DIP2C: variants seen among roughly 807,000 people sequenced by gnomAD.
DIP2C encodes disco-interacting protein 2 homolog C.
A neutral mutation model predicts 192.4 loss-of-function variants in DIP2C; 33 were observed. The ratio of observed to expected loss-of-function variants is 0.17; its 90% CI spans 0.13 to 0.23. The LOEUF (loss-of-function observed/expected upper bound fraction) is 0.23, where lower values mean the gene tolerates loss of function less well. Among genes scored for constraint, DIP2C ranks in the 10% least tolerant of loss-of-function variants. The pLI, the probability that DIP2C is intolerant of heterozygous loss-of-function variation, is 1.00. For missense variants in DIP2C, 1,537 were observed against 2,110.1 expected (o/e 0.73, Z 5.32); for synonymous variants, 979 against 864.1 (o/e 1.13, Z -2.33).
At chr10:483,350 GCCAA>G (rs1438494528) in intron 2 of DIP2C, among the ~76,000 whole-genome samples, 3 of 152,218 alleles carry the variant, frequency 2.0e-5, no homozygotes, top group African/African-American at 7.2e-5. Flanking sequence ...GTCCCATGGG[GCCAA>G]CCAAGAAAGC....
chr10:612,717 GCT>G (rs1266476530), intron 1 of DIP2C, among the ~76,000 whole-genome samples: 1 of 152,136 alleles, frequency 6.6e-6, no homozygotes, highest in Non-Finnish European at 1.5e-5. Context: ...TGTCTAGAGA[GCT>G]CTGTGGCCCA....
At chr10:538,175 T>C (rs1262243152) in intron 1 of DIP2C, among the ~76,000 whole-genome samples, 1 of 152,140 alleles carries the variant, frequency 6.6e-6, no homozygotes, top group Non-Finnish European at 1.5e-5. Context: ...GAGTTTTCTT[T>C]GGGACAGGGT....
rs750583901 is a variant in DIP2C at position 399,154 on chromosome 10, C to A, written c.1215G>T (p.Leu405=). The A allele has an allele frequency of 4.3e-6, 7 of 1,614,006 alleles. No homozygotes were observed. In the Admixed American group the frequency reaches 1.0e-4, roughly 23 times the overall value. The change falls in exon 10 of 37, where the codon CTG becomes CTT. Residue 405 remains leucine, a synonymous_variant. Transcript: ENST00000280886. ...CGATGGGCACGGGGACCACCTCGGCCAGCAGGCAGCCGTAGAAAGCCGCCA... is the reference window on the plus strand; with the variant it reads ...CGATGGGCACGGGGACCACCTCGGCAAGCAGGCAGCCGTAGAAAGCCGCCA... ...AFMAAFYGCL[L]AEVVPVPIEV...
At chr10:347,565 A>G (rs1800114992) in intron 26 of DIP2C, among the ~76,000 whole-genome samples, 1 of 132,882 alleles carries the variant, frequency 7.5e-6, no homozygotes, top group Non-Finnish European at 1.6e-5. Context: ...CTCTCCCGGA[A>G]ACCCCACACG....
At chr10:309,179 C>T (rs939905897) in intron 32 of DIP2C, among the ~76,000 whole-genome samples, 1 of 152,168 alleles carries the variant, frequency 6.6e-6, no homozygotes, top group Non-Finnish European at 1.5e-5. Context: ...TCTTTCCTTC[C>T]TCTCTGGCAT....
chr10:422,772 C>T, intron 5 of DIP2C, 52 bp downstream of exon 5: 16 of 1,570,220 alleles, frequency 1.0e-5, no homozygotes, highest in African/African-American at 1.3e-5. Flanking sequence ...AATGTGCACA[C>T]ACAAAGGCGT....
At chr10:634,143 C>G (rs1447909380) in intron 1 of DIP2C, among the ~76,000 whole-genome samples, 1 of 152,230 alleles carries the variant, frequency 6.6e-6, no homozygotes, top group Non-Finnish European at 1.5e-5. Flanking sequence ...TCCCAGTCCA[C>G]AGCTCAGGAG....
chr10:314,095 C>T (rs548598454), intron 31 of DIP2C, among the ~76,000 whole-genome samples: 90 of 152,282 alleles, frequency 5.9e-4, no homozygotes, highest in African/African-American at 2.1e-3. Context: ...TGACACTCTT[C>T]AAATGGAAAG....
intron 1 of DIP2C, among the ~76,000 whole-genome samples, chr10:537,773 C>G (rs1178383921): frequency 1.3e-5 from 2 of 151,640 alleles, no homozygotes. Flanking sequence ...AAATATCGAG[C>G]AGTTATCTTT....
Position 666,438 on chromosome 10 carries a change from C to G in DIP2C, c.85+23056G>C, listed in dbSNP as rs1857094744. 1 of 152,332 alleles carries G rather than the reference C, an allele frequency of 6.6e-6. No homozygotes were observed. The highest frequency in any genetic ancestry group is 1.5e-5 in the Non-Finnish European group (1 of 68,178). The allele number at this position is 152,332 out of a possible 1,614,324, so 9.4% of individuals were successfully genotyped here. ...ACCGCGCGTGGGGAATCCACTGGCA[C>G]CCAGAGCCCGGCCCGCGGCAGCAGA... On this transcript the variant is annotated intron_variant, in intron 1 of 36. Coordinates refer to ENST00000280886, the MANE Select transcript of DIP2C (RefSeq NM_014974.3). The surrounding 1 kb of genome is among the most constrained non-coding windows in gnomAD (Gnocchi z 4.1).
chr10:536,616 C>T (rs961303096), intron 1 of DIP2C, among the ~76,000 whole-genome samples: 5 of 152,196 alleles, frequency 3.3e-5, no homozygotes, highest in African/African-American at 9.7e-5. Context: ...TACCAGGAGC[C>T]GGACAGACAG....
chr10:508,669 G>A (rs1000182305), intron 1 of DIP2C, among the ~76,000 whole-genome samples: 3 of 152,176 alleles, frequency 2.0e-5, no homozygotes, highest in Non-Finnish European at 2.9e-5. Context: ...ATGCAAAGCT[G>A]GCCCCACGTA....
intron 6 of DIP2C, among the ~76,000 whole-genome samples, chr10:417,765 C>T (rs796547671): frequency 0.071 from 5,619 of 78,748 alleles, 1,613 homozygotes; most frequent in East Asian, 0.16. Flanking sequence ...CATCCCTGTC[C>T]ACCTGCACCT....
chr10:288,199 T>C (rs1423816366), intron 33 of DIP2C, among the ~76,000 whole-genome samples, 165 bp downstream of exon 33: 1 of 152,224 alleles, frequency 6.6e-6, no homozygotes, highest in Non-Finnish European at 1.5e-5. Flanking sequence ...AAGTCTAACT[T>C]GTTTAAAACA....
intron 32 of DIP2C, among the ~76,000 whole-genome samples, chr10:304,809 G>A (rs1372582871): frequency 1.3e-5 from 2 of 149,898 alleles, no homozygotes; most frequent in African/African-American, 4.9e-5. Context: ...ACATGCACAT[G>A]GGAGTGCACT....
At chr10:514,643 G>A (rs1426123193) in intron 1 of DIP2C, among the ~76,000 whole-genome samples, 1 of 151,784 alleles carries the variant, frequency 6.6e-6, no homozygotes, top group Non-Finnish European at 1.5e-5. Flanking sequence ...CCTGGCCCCT[G>A]ACACCGACCC....
chr10:520,862 ATG>A (rs1200686284), intron 1 of DIP2C, among the ~76,000 whole-genome samples: 1 of 152,196 alleles, frequency 6.6e-6, no homozygotes, highest in African/African-American at 2.4e-5. Flanking sequence ...GTTCATGGAT[ATG>A]TGTTTTTATA....
In DIP2C at chr10:580,331, A is replaced by C. The variant is rs553957212; in HGVS notation, c.86-93801T>G. On this transcript the variant is annotated intron_variant, in intron 1 of 36. Coordinates refer to ENST00000280886, the MANE Select transcript of DIP2C (RefSeq NM_014974.3). ...TGTGCACATATCCACAAGTTTATTC[A>C]GTGTGCGTAGTGTACATGCATGCTT... Among the ~76,000 whole-genome samples, 3 of 152,318 alleles carry C rather than the reference A, an allele frequency of 2.0e-5. No individual in the cohort carries two copies. The South Asian group carries it at 6.2e-4, about 32-fold the overall frequency.
At chr10:600,653 A>G (rs1852009130) in intron 1 of DIP2C, among the ~76,000 whole-genome samples, 1 of 151,868 alleles carries the variant, frequency 6.6e-6, no homozygotes, top group African/African-American at 2.4e-5. Context: ...TTTCCACCTT[A>G]AAGAGGATGG....
Sources: allele counts gnomAD v4.1 joint callset (sites outside exome capture counted in the v4.1 genomes callset), GRCh38; gene constraint gnomAD v4.1.1; non-coding constraint Gnocchi (gnomAD v3.1); transcripts MANE v1.5; gene names NCBI Gene and HGNC (gene_info 2026-07-23, HGNC 2026-07-21).